KIAA0586: variants seen among roughly 807,000 people sequenced by gnomAD.
KIAA0586 encodes the protein protein TALPID3.
A neutral mutation model predicts 169.8 loss-of-function variants in KIAA0586; 144 were observed. The observed-to-expected ratio is 0.85, with a 90% CI of 0.74 to 0.97. The LOEUF is 0.97. Among genes scored for constraint, KIAA0586 ranks in the 50% least tolerant of loss-of-function variants. The pLI is 0.00. For missense variants in KIAA0586, 1,854 were observed against 1,823.0 expected, an observed-to-expected ratio of 1.02 and a Z score of -0.31; for synonymous variants, 625 against 612.4, an observed-to-expected ratio of 1.02 and a Z score of -0.30.
chr14:58,453,434 C>T lies in KIAA0586; in HGVS notation c.1214C>T (p.Thr405Ile), dbSNP rs746111371. ...GAATCATCAAACACCACCTCACTAA[C>T]TAGGTCAAAAATAGGATGGACTCCT... is the stretch of plus-strand genomic sequence containing the variant. ...KSESSNTTSL[T>I]RSKIGWTPEK... Residue 405 changes from threonine to isoleucine, a missense_variant, in exon 9 of 31, where the codon ACT becomes ATT. Physicochemically the swap from Thr to Ile is moderately conservative, Grantham distance 89. Coordinates refer to ENST00000652326, the MANE Select transcript of KIAA0586 (RefSeq NM_001329943.3). 2.6e-6 allele frequency: 4 copies of T among 1,523,272 alleles called. No individual in the cohort carries two copies. The South Asian group carries it at 5.3e-5, about 20-fold the overall frequency. The allele number at this position is 1,523,272 out of a possible 1,614,324, so 94.4% of individuals were successfully genotyped here.
rs1698309264 is a variant in KIAA0586, at chr14:58,521,825, G to A, written c.4429+9198G>A. The A allele has an allele frequency of 5.9e-6, 5 of 848,722 alleles. No homozygotes were observed. The Admixed American group carries it at 8.6e-5, about 15-fold the overall frequency. The allele number at this position is 848,722 out of a possible 1,614,324, so 52.6% of individuals were successfully genotyped here. On this transcript the variant is annotated intron_variant, in intron 29 of 30. Coordinates refer to ENST00000652326, the MANE Select transcript of KIAA0586 (RefSeq NM_001329943.3). Reference sequence around the variant, plus strand: ...TGAAGAAAGATGAGACTAATGTGAAGGTGGAGTCGGAGCGGGGTGCAGATG... The same window carrying A: ...TGAAGAAAGATGAGACTAATGTGAAAGTGGAGTCGGAGCGGGGTGCAGATG...
rs367577771 is a variant in KIAA0586, at chr14:58,529,657, C to T, written c.4430-10414C>T. Reference sequence around the variant, plus strand: ...AAAGGCCTTCAGTAAAATTCAACGCCCCTTCATGCTAGAAACTCTCAATAA... The same window carrying T: ...AAAGGCCTTCAGTAAAATTCAACGCTCCTTCATGCTAGAAACTCTCAATAA... On this transcript the variant is annotated intron_variant, in intron 29 of 30. Transcript: ENST00000652326. Among the ~76,000 whole-genome samples the T allele has an allele frequency of 2.6e-5, 4 of 152,194 alleles. 1 individual carries two copies.
chr14:58,512,580 A>G lies in KIAA0586; in HGVS notation c.4382A>G (p.Tyr1461Cys). The stretch of plus-strand genomic sequence containing the variant: ...GTTGAACACAAACCATCACAAAGTT[A>G]CCTACGTGTTAGAAATAAATCTGAT... Reference protein sequence around the residue: ...KQVEHKPSQSYLRVRNKSDIA... With the variant: ...KQVEHKPSQSCLRVRNKSDIA... Residue 1461 changes from tyrosine to cysteine, a missense_variant, in exon 29 of 31, where the codon TAC (tyrosine) becomes TGC (cysteine). Physicochemically the swap from Tyr to Cys is radical, Grantham distance 194 (BLOSUM62 -2). Transcript: ENST00000652326. 6.5e-7 allele frequency: 1 copy of G among 1,545,516 alleles called. No homozygotes were observed. Among genetic ancestry groups the G allele is most frequent in the Non-Finnish European group, 8.7e-7 (1 of 1,154,212 alleles).
chr14:58,530,467 C>T (rs2045887054), intron 29 of KIAA0586, among the ~76,000 whole-genome samples: 1 of 152,202 alleles, frequency 6.6e-6, no homozygotes, highest in Admixed American at 6.5e-5. Flanking sequence ...GTAACCAAAA[C>T]AGCATGGTAC....
the KIAA0586 span, among the ~76,000 whole-genome samples, chr14:58,561,684 C>G: frequency 6.6e-6 from 1 of 152,064 alleles, no homozygotes; most frequent in Admixed American, 6.6e-5. Context: ...CCTGGGTAAC[C>G]AAAGAATTTT....
In KIAA0586 at chr14:58,477,250, A is replaced by C; in HGVS notation, c.2944+9A>C. The C allele has an allele frequency of 1.4e-6, 2 of 1,415,416 alleles. No homozygotes were observed. The highest frequency in any genetic ancestry group is 1.9e-6 in the Non-Finnish European group (2 of 1,025,738). 87.7% of individuals were successfully genotyped at this position (1,415,416 alleles called of 1,614,324 possible). On this transcript the variant is annotated intron_variant, in intron 20 of 30. Coordinates refer to ENST00000652326, the MANE Select transcript of KIAA0586 (RefSeq NM_001329943.3). ...ACTGACTTCTGACATTGGTAAGTGAAATAGAATTTTTTTTTGTTTTTATTA... is the reference window on the plus strand; with the variant it reads ...ACTGACTTCTGACATTGGTAAGTGACATAGAATTTTTTTTTGTTTTTATTA...
chr14:58,451,963 G>A (rs1414171556), intron 8 of KIAA0586, among the ~76,000 whole-genome samples: 5 of 152,166 alleles, frequency 3.3e-5, no homozygotes, highest in Non-Finnish European at 7.3e-5. Context: ...GATTACAGGC[G>A]TGAGCTACTG....
At chr14:58,552,993 A>T (rs2047224884), downstream of KIAA0586, among the ~76,000 whole-genome samples, 1 of 152,208 alleles carries the variant, frequency 6.6e-6, no homozygotes, top group Non-Finnish European at 1.5e-5. Flanking sequence ...TATTTCTATC[A>T]TCAGGATAGT....
At chr14:58,457,071 G>A (rs1595175228) in intron 10 of KIAA0586, among the ~76,000 whole-genome samples, 1 of 152,182 alleles carries the variant, frequency 6.6e-6, no homozygotes, top group African/African-American at 2.4e-5. Context: ...AAGGGGAAAA[G>A]AGACCTGTGA....
chr14:58,489,223 A>ATTTTTT lies in KIAA0586; in HGVS notation c.3781+360_3781+365dup, dbSNP rs5808974. Reference sequence around the variant, plus strand: ...CTATGCATATTGTTTTGAAACCTGAATTTTTTTTTTTTTTTTGAGACAGGT... The same window carrying ATTTTTT: ...CTATGCATATTGTTTTGAAACCTGAATTTTTTTTTTTTTTTTTTTTTTGAGACAGGT... On this transcript the variant is annotated intron_variant, in intron 24 of 30. Coordinates refer to ENST00000652326, the MANE Select transcript of KIAA0586 (RefSeq NM_001329943.3). Among the ~76,000 whole-genome samples the ATTTTTT allele has an allele frequency of 3.7e-3, 504 of 135,638 alleles. 17 individuals carry two copies. Among genetic ancestry groups the ATTTTTT allele is most frequent in the Middle Eastern group, 8.2e-3 (2 of 244 alleles). The allele number at this position is 135,638 out of a possible 152,430, so 89.0% of individuals were successfully genotyped here.
intron 6 of KIAA0586, among the ~76,000 whole-genome samples, chr14:58,448,017 C>T (rs548378390): frequency 1.3e-5 from 2 of 152,138 alleles, no homozygotes; most frequent in Non-Finnish European, 2.9e-5. Context: ...GAGGGCCTCT[C>T]CTTCCTGGTC....
At chr14:58,551,461 A>G (rs1038449068), downstream of KIAA0586, among the ~76,000 whole-genome samples, 1 of 152,056 alleles carries the variant, frequency 6.6e-6, no homozygotes, top group Admixed American at 6.6e-5. Flanking sequence ...ACCCCCAATC[A>G]AAAAGTAATT....
intron 29 of KIAA0586, among the ~76,000 whole-genome samples, chr14:58,512,864 C>G (rs555676046): frequency 4.6e-5 from 7 of 152,090 alleles, no homozygotes; most frequent in African/African-American, 1.7e-4. Context: ...TGGTGTCTTT[C>G]CTTTACCCTT....
At chr14:58,445,971 CGAT>C (rs2038864623) in intron 6 of KIAA0586, among the ~76,000 whole-genome samples, 1 of 151,278 alleles carries the variant, frequency 6.6e-6, no homozygotes, top group African/African-American at 2.4e-5. Flanking sequence ...CATGTTCAAG[CGAT>C]TCTCCTGCCA....
chr14:58,516,216 G>A (rs983738329), intron 29 of KIAA0586, among the ~76,000 whole-genome samples: 1 of 152,178 alleles, frequency 6.6e-6, no homozygotes, highest in African/African-American at 2.4e-5. Flanking sequence ...AAGATTGTGG[G>A]GAAAGGCAGA....
downstream of KIAA0586, among the ~76,000 whole-genome samples, chr14:58,555,263 G>T (rs2140175747): frequency 6.6e-6 from 1 of 152,016 alleles, no homozygotes; most frequent in South Asian, 2.1e-4. Flanking sequence ...ACCACGACTG[G>T]CTAATTTTTG....
At chr14:58,529,587 C>T (rs985039600) in intron 29 of KIAA0586, among the ~76,000 whole-genome samples, 5 of 152,138 alleles carry the variant, frequency 3.3e-5, no homozygotes, top group African/African-American at 1.2e-4. Flanking sequence ...ATCACATAAA[C>T]AGAACCAATA....
Position 58,547,874 on chromosome 14 carries a change from C to G in KIAA0586, c.4589C>G (p.Ser1530Cys). The G allele has an allele frequency of 6.2e-7, 1 of 1,613,776 alleles. No individual in the cohort carries two copies. The highest frequency in any genetic ancestry group is 8.5e-7 in the Non-Finnish European group (1 of 1,179,760). The change falls in exon 31 of 31, where the codon TCT becomes TGT. Residue 1530 changes from serine to cysteine, a missense_variant. By Grantham distance (112) the Ser-to-Cys change is moderately radical (BLOSUM62 -1). Coordinates refer to ENST00000652326, the MANE Select transcript of KIAA0586 (RefSeq NM_001329943.3). Reference sequence around the variant, plus strand: ...GTGAACCTCGAGGACTGCTCTCAGTCTCTGAGTCTCAGCACAATGCAGGAG... The same window carrying G: ...GTGAACCTCGAGGACTGCTCTCAGTGTCTGAGTCTCAGCACAATGCAGGAG... ...PSVNLEDCSQ[S>C]LSLSTMQEDM...
chr14:58,450,942 G>T (rs1022901315), intron 8 of KIAA0586, among the ~76,000 whole-genome samples, 196 bp downstream of exon 8: 1 of 151,074 alleles, frequency 6.6e-6, no homozygotes, highest in African/African-American at 2.4e-5. Flanking sequence ...ATCTTTTACA[G>T]GTTATTATTA....
Sources: gnomAD v4.1 joint callset for allele counts (sites outside exome capture counted in the v4.1 genomes callset) on GRCh38, gnomAD v4.1.1 for gene constraint, MANE v1.5 for transcripts, NCBI Gene and HGNC (gene_info 2026-07-23, HGNC 2026-07-21) for gene names.